Variants in SLC16A4 observed in about 807,000 individuals in gnomAD.
The protein encoded by SLC16A4 is solute carrier family 16 member 4.
A neutral mutation model predicts 47.9 loss-of-function variants in SLC16A4; 39 were observed. That is an observed-to-expected ratio of 0.81 (90% CI 0.63 to 1.06). The LOEUF (loss-of-function observed/expected upper bound fraction) is 1.06. Ranked by LOEUF, SLC16A4 falls within the 50% of genes least tolerant of loss-of-function variation. SLC16A4 has a pLI of 0.00. For missense variants in SLC16A4, 524 were observed against 573.8 expected (o/e 0.91, Z 0.89); for synonymous variants, 189 against 199.9 (o/e 0.95, Z 0.46).
intron 6 of SLC16A4, among the ~76,000 whole-genome samples, chr1:110,377,650 GAAGT>G (rs1242210668): frequency 2.0e-5 from 3 of 152,134 alleles, no homozygotes; most frequent in East Asian, 3.8e-4. Context: ...GAAGTTTTAG[GAAGT>G]AAGTCCTCCA....
chr1:110,383,339 G>T (rs2101058536), intron 2 of SLC16A4, among the ~76,000 whole-genome samples: 1 of 152,344 alleles, frequency 6.6e-6, no homozygotes, highest in East Asian at 1.9e-4. Flanking sequence ...AGCCCATTGT[G>T]CAAGAGACTG....
chr1:110,377,454 G>C (rs1570642336), intron 6 of SLC16A4, among the ~76,000 whole-genome samples: 1 of 152,232 alleles, frequency 6.6e-6, no homozygotes, highest in East Asian at 1.9e-4. Flanking sequence ...CCTGGTTACA[G>C]AGGACCCTGG....
chr1:110,387,634 A>C (rs911993692), intron 2 of SLC16A4, among the ~76,000 whole-genome samples: 16 of 152,204 alleles, frequency 1.1e-4, no homozygotes, highest in Admixed American at 4.6e-4. Context: ...AAATTGATCA[A>C]AAACCATTCT....
At chr1:110,381,613 T>C (rs12120542) in intron 4 of SLC16A4, 39 bp downstream of exon 4, 172,093 of 1,590,636 alleles carry the variant, frequency 0.11, 10,549 homozygotes, top group Non-Finnish European at 0.13. Flanking sequence ...GAGCCACCAC[T>C]CCTGGCCTTC....
In SLC16A4 at chr1:110,389,313, C is replaced by T. The variant is rs754334971; in HGVS notation, c.11G>A (p.Arg4Lys). Residue 4 changes from arginine (R) to lysine (K), a missense_variant, in exon 2 of 9, where the codon AGG becomes AAG. Transcript: ENST00000369779. ...AGTGTAAGGTTGGACCTTCCCCTCCCTCTTCAGCATGATGCCTCTTCTATT... is the reference window on the plus strand; with the variant it reads ...AGTGTAAGGTTGGACCTTCCCCTCCTTCTTCAGCATGATGCCTCTTCTATT... The part of the protein sequence containing the change: MLK[R>K]EGKVQPYTKT... The T allele has an allele frequency of 6.2e-7, 1 of 1,611,912 alleles. No homozygotes were observed. Among genetic ancestry groups the T allele is most frequent in the Non-Finnish European group, 8.5e-7 (1 of 1,177,926 alleles).
chr1:110,385,684 G>A (rs1350142739), intron 2 of SLC16A4, among the ~76,000 whole-genome samples: 1 of 152,166 alleles, frequency 6.6e-6, no homozygotes, highest in African/African-American at 2.4e-5. Context: ...GCGATGCTCA[G>A]AAATTGCAAA....
At chr1:110,373,470 C>T (rs192084073) in intron 8 of SLC16A4, among the ~76,000 whole-genome samples, 94 of 152,170 alleles carry the variant, frequency 6.2e-4, no homozygotes, top group Admixed American at 2.0e-3. Flanking sequence ...TTACTAGTCC[C>T]TATATAAAAA....
intron 2 of SLC16A4, among the ~76,000 whole-genome samples, chr1:110,384,864 T>A (rs1228036587): frequency 6.6e-6 from 1 of 152,022 alleles, no homozygotes; most frequent in Non-Finnish European, 1.5e-5. Context: ...TACAAAAAAT[T>A]AGCTGGGCGT....
intron 2 of SLC16A4, among the ~76,000 whole-genome samples, chr1:110,386,028 T>C (rs7551977): frequency 0.11 from 16,129 of 152,252 alleles, 1,143 homozygotes; most frequent in African/African-American, 0.18. Context: ...AACTTCCTTT[T>C]GTTCTATGGA....
intron 3 of SLC16A4, among the ~76,000 whole-genome samples, chr1:110,382,060 C>T (rs1251854487): frequency 6.6e-6 from 1 of 152,168 alleles, no homozygotes; most frequent in Non-Finnish European, 1.5e-5. Context: ...ATTATAGAAC[C>T]TCCACAAAAA....
chr1:110,382,884 T>C lies in SLC16A4; in HGVS notation c.170A>G (p.Glu57Gly). ...VFQEEFEGTS[E>G]QIGWIGSIMS... is the part of the protein sequence containing the mutation. ...GATGGATCCAATCCAACCAATTTGC[T>C]CTGAGGTGCCTTCAAACTCTTCTTG... Residue 57 changes from glutamate to glycine, a missense_variant, in exon 3 of 9, where the codon GAG (glutamate) becomes GGG (glycine). Coordinates refer to ENST00000369779, the MANE Select transcript of SLC16A4 (RefSeq NM_004696.3). The C allele has an allele frequency of 6.2e-7, 1 of 1,612,948 alleles. No individual in the cohort carries two copies. Among genetic ancestry groups the C allele is most frequent in the Non-Finnish European group, 8.5e-7 (1 of 1,179,262 alleles).
chr1:110,363,482 T>C lies in SLC16A4; in HGVS notation c.*284A>G, dbSNP rs1452259714. On this transcript the variant is annotated 3_prime_UTR_variant, in exon 9 of 9. Coordinates refer to ENST00000369779, the MANE Select transcript of SLC16A4 (RefSeq NM_004696.3). ...TCTACTAAAAATACAAAAAATTAGC[T>C]GGGTGTGGTGGCGTGTGCCTGTAGT... The C allele has an allele frequency of 1.3e-4, 23 of 181,788 alleles. 1 individual carries two copies. The highest frequency in any genetic ancestry group is 4.5e-4 in the African/African-American group (19 of 42,082). 11.3% of individuals were successfully genotyped at this position (181,788 alleles called of 1,614,324 possible).
intron 8 of SLC16A4, among the ~76,000 whole-genome samples, chr1:110,369,157 G>C (rs1214403182): frequency 2.0e-5 from 3 of 152,008 alleles, no homozygotes; most frequent in African/African-American, 7.2e-5. Flanking sequence ...GTTTCACTAT[G>C]TTGGTCAAGC....
Position 110,379,005 on chromosome 1 carries a change from A to G in SLC16A4, c.878T>C (p.Ile293Thr). 1.2e-6 allele frequency: 2 copies of G among 1,614,244 alleles called. No homozygotes were observed. The highest frequency in any genetic ancestry group is 1.7e-6 in the Non-Finnish European group (2 of 1,180,048). Reference sequence around the variant, plus strand: ...GAAGAAAGGATTTCTAAAGAGAGAAATGTCAAACAGTTGTTTGCAGCTCCA... The same window carrying G: ...GAAGAAAGGATTTCTAAAGAGAGAAGTGTCAAACAGTTGTTTGCAGCTCCA... ...ISWSCKQLFD[I>T]SLFRNPFFYI... Residue 293 changes from isoleucine (I) to threonine (T), a missense_variant, in exon 6 of 9, where the codon ATT becomes ACT. Ile to Thr is a moderately conservative substitution (Grantham distance 89). Coordinates refer to ENST00000369779, the MANE Select transcript of SLC16A4 (RefSeq NM_004696.3).
At chr1:110,375,157 T>A (rs962415271) in intron 8 of SLC16A4, 4 of 227,114 alleles carry the variant, frequency 1.8e-5, no homozygotes, top group Non-Finnish European at 2.5e-5. Flanking sequence ...TAAAGCATCA[T>A]GGGTCTTTGA....
chr1:110,370,896 C>T (rs1661652972), intron 8 of SLC16A4: 2 of 152,158 alleles, frequency 1.3e-5, no homozygotes, highest in African/African-American at 4.8e-5. Context: ...GCTACAGTGG[C>T]TTAATCAGGT....
At position 110,363,827 on chromosome 1, in the gene SLC16A4, A is replaced by T. The variant is rs752806876; in HGVS notation, c.1403T>A (p.Leu468His). ...TACAAAAAAAAAGGAAACTGAAGAG[A>T]GGAGATAGCATATGCCAGAGAAGTA... ...SFYFSGICYLLSSVSFFFVPL... is the reference protein window; with the variant it reads ...SFYFSGICYLHSSVSFFFVPL... The change falls in exon 9 of 9, where the codon CTC becomes CAC. Residue 468 changes from leucine to histidine, a missense_variant. Transcript: ENST00000369779. 7.4e-6 allele frequency: 12 copies of T among 1,612,998 alleles called. No homozygotes were observed. In the African/African-American group the frequency reaches 1.3e-4, roughly 18 times the overall value.
Position 110,374,011 on chromosome 1 carries a change from AG to A in SLC16A4, c.1336+1446del, listed in dbSNP as rs1661834121. Among the ~76,000 whole-genome samples the A allele has an allele frequency of 3.9e-4, 43 of 110,760 alleles. No homozygotes were observed. In the South Asian group the frequency reaches 0.013, roughly 34 times the overall value. 72.7% of individuals were successfully genotyped at this position (110,760 alleles called of 152,430 possible). ...ACAATTCTTGTTATCCTTAGTTTAT[AG>A]TCTCCTTCTTTTAATATTTACTTTT... On this transcript the variant is annotated intron_variant, in intron 8 of 8. Coordinates refer to ENST00000369779, the MANE Select transcript of SLC16A4 (RefSeq NM_004696.3).
Position 110,364,499 on chromosome 1 carries a change from CTTT to C in SLC16A4, c.1337-609_1337-607del, listed in dbSNP as rs34416973. 1.5e-3 allele frequency among the ~76,000 whole-genome samples: 158 copies of C among 104,652 alleles called. 1 individual carries two copies. The highest frequency in any genetic ancestry group is 1.4e-3 in the Non-Finnish European group (74 of 54,354). 68.7% of individuals were successfully genotyped at this position (104,652 alleles called of 152,430 possible). A position where few individuals can be genotyped will look rare whatever the true frequency, so the allele number is the denominator to read the frequency against. On this transcript the variant is annotated intron_variant, in intron 8 of 8. Transcript: ENST00000369779. ...CAAGTTCCCCCCTGAAATCTAAATG[CTTT>C]TTTTTTTTTTTTTTTTTTGAGACAG...
Sources: gnomAD v4.1 joint callset for allele counts (sites outside exome capture counted in the v4.1 genomes callset) on GRCh38, gnomAD v4.1.1 for gene constraint, MANE v1.5 for transcripts, NCBI Gene and HGNC (gene_info 2026-07-23, HGNC 2026-07-21) for gene names.